Variants in ROBO1 observed in about 807,000 individuals in gnomAD.
ROBO1 encodes roundabout homolog 1.
In ROBO1, 149 loss-of-function variants were observed where a neutral mutation model predicts 195.9. The observed-to-expected ratio is 0.76, with a 90% confidence interval of 0.67 to 0.87. The LOEUF is 0.87. ROBO1 is among the 40% of genes least tolerant of loss of function. The pLI, the probability that ROBO1 is intolerant of heterozygous loss-of-function variation, is 0.00. For missense variants in ROBO1, 1,933 were observed against 2,068.3 expected, an observed-to-expected ratio of 0.93 and a Z score of 1.27; for synonymous variants, 816 against 733.2, an observed-to-expected ratio of 1.11 and a Z score of -1.82.
At chr3:79,575,532 CAAAT>C (rs1298405577) in intron 2 of ROBO1, among the ~76,000 whole-genome samples, 4 of 123,182 alleles carry the variant, frequency 3.2e-5, no homozygotes, top group African/African-American at 1.2e-4. Flanking sequence ...ATATATATAA[CAAAT>C]ATATATAAAT....
intron 1 of ROBO1, among the ~76,000 whole-genome samples, chr3:79,629,030 T>C (rs903712742): frequency 6.6e-6 from 1 of 152,070 alleles, no homozygotes; most frequent in African/African-American, 2.4e-5. Context: ...AAAAGAGATA[T>C]ATGGCAATAT....
intron 4 of ROBO1, among the ~76,000 whole-genome samples, chr3:78,781,019 T>C (rs2083660689): frequency 6.6e-6 from 1 of 152,194 alleles, no homozygotes; most frequent in Admixed American, 6.5e-5. Flanking sequence ...CCTAAACAAA[T>C]AGTTCTCACT....
intron 21 of ROBO1, among the ~76,000 whole-genome samples, chr3:78,644,661 T>G (rs1432118337): frequency 6.6e-6 from 1 of 152,298 alleles, no homozygotes; most frequent in East Asian, 1.9e-4. Context: ...AACTTTGTAA[T>G]TTTTCCATCC....
intron 2 of ROBO1, among the ~76,000 whole-genome samples, chr3:79,367,514 G>GGATCTTCTAA (rs1165377937): frequency 6.6e-6 from 1 of 152,224 alleles, no homozygotes; most frequent in Non-Finnish European, 1.5e-5. Flanking sequence ...CTGCTTAGAA[G>GGATCTTCTAA]ATCCCCCACA....
intron 2 of ROBO1, among the ~76,000 whole-genome samples, chr3:79,285,392 G>A (rs1474658575): frequency 6.6e-6 from 1 of 152,136 alleles, no homozygotes; most frequent in Non-Finnish European, 1.5e-5. Flanking sequence ...TAGGTCAAAG[G>A]TTATAAAGTT....
intron 21 of ROBO1, among the ~76,000 whole-genome samples, chr3:78,645,300 T>C (rs1706206077): frequency 6.6e-6 from 1 of 152,096 alleles, no homozygotes; most frequent in Non-Finnish European, 1.5e-5. Flanking sequence ...AGGAATAATA[T>C]CTTACTCATT....
At chr3:78,800,380 G>A (rs1477981269) in intron 4 of ROBO1, among the ~76,000 whole-genome samples, 1 of 152,058 alleles carries the variant, frequency 6.6e-6, no homozygotes, top group East Asian at 1.9e-4. Flanking sequence ...TAGAAGACGA[G>A]TAATGAACAA....
chr3:79,670,083 G>A (rs1946589236), intron 1 of ROBO1, among the ~76,000 whole-genome samples: 2 of 151,796 alleles, frequency 1.3e-5, no homozygotes, highest in Admixed American at 6.6e-5. Flanking sequence ...AGCAAATTTT[G>A]GATAGCAGTG....
At chr3:79,385,587 T>C (rs115419474) in intron 2 of ROBO1, among the ~76,000 whole-genome samples, 360 of 152,204 alleles carry the variant, frequency 2.4e-3, no homozygotes, top group African/African-American at 8.3e-3. Flanking sequence ...ACCTGAGACT[T>C]TCATGCAATA....
chr3:79,412,209 C>G (rs1327614305), intron 2 of ROBO1, among the ~76,000 whole-genome samples: 6 of 152,100 alleles, frequency 3.9e-5, no homozygotes, highest in African/African-American at 1.2e-4. Flanking sequence ...TTTGAATTAT[C>G]AGGCAAGGTT....
intron 2 of ROBO1, among the ~76,000 whole-genome samples, chr3:79,458,524 T>G (rs1378923754): frequency 6.6e-6 from 1 of 152,106 alleles, no homozygotes; most frequent in Non-Finnish European, 1.5e-5. Flanking sequence ...CTGACATTTT[T>G]TATCATGTGT....
At chr3:78,695,640 A>G (rs994996956) in intron 8 of ROBO1, among the ~76,000 whole-genome samples, 175 of 150,824 alleles carry the variant, frequency 1.2e-3, no homozygotes, top group South Asian at 4.6e-3. Flanking sequence ...AAAAAAAAAA[A>G]AAAGAAAAGA....
chr3:79,393,766 G>T (rs1007410522), intron 2 of ROBO1, among the ~76,000 whole-genome samples: 2 of 152,122 alleles, frequency 1.3e-5, no homozygotes, highest in Admixed American at 1.3e-4. Flanking sequence ...GGTAATAGAA[G>T]TATGTGTTAA....
At chr3:79,386,888 T>A (rs1358443241) in intron 2 of ROBO1, among the ~76,000 whole-genome samples, 1 of 151,642 alleles carries the variant, frequency 6.6e-6, no homozygotes, top group Non-Finnish European at 1.5e-5. Context: ...AACTTATTGT[T>A]ATTTTGCATC....
At chr3:78,886,081 AC>A (rs1416823502) in intron 4 of ROBO1, among the ~76,000 whole-genome samples, 2 of 151,436 alleles carry the variant, frequency 1.3e-5, no homozygotes, top group Admixed American at 6.6e-5. Context: ...TTATAAAAAA[AC>A]AACATCAAAT....
chr3:78,780,113 G>A (rs1376696299), intron 4 of ROBO1, among the ~76,000 whole-genome samples: 1 of 152,062 alleles, frequency 6.6e-6, no homozygotes, highest in African/African-American at 2.4e-5. Context: ...TAGTGGGTTG[G>A]GGGCTTAGAA....
intron 5 of ROBO1, among the ~76,000 whole-genome samples, chr3:78,734,667 AAACAGTTTGC>A (rs1423944088): frequency 1.3e-5 from 2 of 152,214 alleles, no homozygotes; most frequent in African/African-American, 4.8e-5. Flanking sequence ...GAATACTAAC[AAACAGTTTGC>A]AACAGTCAAA....
intron 2 of ROBO1, among the ~76,000 whole-genome samples, chr3:79,225,507 C>A (rs145432347): frequency 6.6e-6 from 1 of 152,176 alleles, no homozygotes; most frequent in Admixed American, 6.5e-5. Context: ...AATTTACTAT[C>A]AACTTCTTGG....
chr3:78,728,270 T>G (rs2082209695), intron 5 of ROBO1, among the ~76,000 whole-genome samples: 2 of 152,272 alleles, frequency 1.3e-5, no homozygotes, highest in South Asian at 4.1e-4. Flanking sequence ...TCGAGTCTCT[T>G]GATTAGATAT....
Sources: gnomAD v4.1 joint callset for allele counts (sites outside exome capture counted in the v4.1 genomes callset) on GRCh38, gnomAD v4.1.1 for gene constraint, MANE v1.5 for transcripts, NCBI Gene and HGNC (gene_info 2026-07-23, HGNC 2026-07-21) for gene names.